COX20: variants seen among roughly 807,000 people sequenced by gnomAD.
The protein encoded by COX20 is cytochrome c oxidase assembly protein COX20, mitochondrial.
In COX20, 14 loss-of-function variants were observed where a neutral mutation model predicts 14.3. The ratio of observed to expected loss-of-function variants is 0.98; its 90% CI spans 0.65 to 1.53. COX20 has a LOEUF of 1.53. Among genes scored for constraint, COX20 ranks in the 40% most tolerant of loss-of-function variants. COX20 has a pLI of 0.00. For missense variants in COX20, 149 were observed against 142.1 expected (o/e 1.05, Z -0.25); for synonymous variants, 56 against 51.7 (o/e 1.08, Z -0.36).
At chr1:244,838,536 G>A (rs1481621320) in intron 1 of COX20, among the ~76,000 whole-genome samples, 4 of 152,206 alleles carry the variant, frequency 2.6e-5, no homozygotes, top group Admixed American at 6.5e-5. Context: ...TTGAAGCCAA[G>A]TAAAAGTAAA....
intron 1 of COX20, chr1:244,841,000 G>A (rs987048603): frequency 3.9e-5 from 6 of 152,270 alleles, no homozygotes; most frequent in Admixed American, 6.5e-5. Flanking sequence ...AACAGTTACC[G>A]TGAGTTTTCT....
chr1:244,843,139 A>G lies in COX20; in HGVS notation c.320A>G (p.Asp107Gly). 6.3e-7 allele frequency: 1 copy of G among 1,595,754 alleles called. No homozygotes were observed. Among genetic ancestry groups the G allele is most frequent in the Non-Finnish European group, 8.5e-7 (1 of 1,175,086 alleles). ...ATATTATATGAAGGTACCCACCTCG[A>G]TCCTGAAAGAAAACACAACGGCAGC... ...KKILYEGTHLDPERKHNGSSS... is the reference protein window; with the variant it reads ...KKILYEGTHLGPERKHNGSSS... Residue 107 changes from aspartate to glycine, a missense_variant, in exon 4 of 4, where the codon GAT becomes GGT. Physicochemically the swap from Asp to Gly is moderately conservative, Grantham distance 94. Coordinates refer to ENST00000411948, the MANE Select transcript of COX20 (RefSeq NM_198076.6).
Position 244,843,347 on chromosome 1 carries a change from C to T in COX20, c.*171C>T. ...GTTTATTCTGGCCCTGTGTCTACTGCCAGGATAGCATTCTTACGTGTTACA... is the reference window on the plus strand; with the variant it reads ...GTTTATTCTGGCCCTGTGTCTACTGTCAGGATAGCATTCTTACGTGTTACA... On this transcript the variant is annotated 3_prime_UTR_variant, in exon 4 of 4. Transcript: ENST00000411948. 1.5e-6 allele frequency: 1 copy of T among 645,818 alleles called. No homozygotes were observed. The highest frequency in any genetic ancestry group is 2.1e-5 in the South Asian group (1 of 47,948). The allele number at this position is 645,818 out of a possible 1,614,324, so 40.0% of individuals were successfully genotyped here.
intron 1 of COX20, 60 bp from the exon 2 acceptor site, chr1:244,841,884 C>A: frequency 1.8e-6 from 2 of 1,084,850 alleles, no homozygotes; most frequent in Non-Finnish European, 2.8e-6. Context: ...TCATTTTTGC[C>A]AAAGCACCCC....
intron 1 of COX20, among the ~76,000 whole-genome samples, chr1:244,837,915 C>T (rs999851445): frequency 2.0e-5 from 3 of 152,092 alleles, no homozygotes; most frequent in Non-Finnish European, 4.4e-5. Context: ...TCGGAGGCTA[C>T]AGAGGACTTA....
Position 244,843,515 on chromosome 1 carries a change from A to G in COX20, c.*339A>G, listed in dbSNP as rs1412846408. On this transcript the variant is annotated 3_prime_UTR_variant, in exon 4 of 4. Transcript: ENST00000411948. Reference sequence around the variant, plus strand: ...TGATGATAAGTAAACGTCCCTTAACAAAAACCTCAACCTTATTACTATCCC... The same window carrying G: ...TGATGATAAGTAAACGTCCCTTAACGAAAACCTCAACCTTATTACTATCCC... The G allele has an allele frequency of 1.0e-5, 2 of 196,542 alleles. No individual in the cohort carries two copies. The highest frequency in any genetic ancestry group is 2.4e-5 in the African/African-American group (1 of 42,398). The allele number at this position is 196,542 out of a possible 1,614,324, so 12.2% of individuals were successfully genotyped here.
chr1:244,837,144 A>G (rs1430506644), intron 1 of COX20, among the ~76,000 whole-genome samples: 1 of 152,200 alleles, frequency 6.6e-6, no homozygotes, highest in African/African-American at 2.4e-5. Context: ...ACATTGACCT[A>G]TTTAACTGGC....
intron 1 of COX20, among the ~76,000 whole-genome samples, chr1:244,838,713 A>T (rs1298889196): frequency 6.6e-6 from 1 of 152,148 alleles, no homozygotes; most frequent in Non-Finnish European, 1.5e-5. Context: ...GTAGAAAAGC[A>T]CACCTACACT....
chr1:244,842,741 C>T (rs1465688156), intron 3 of COX20: 5 of 252,706 alleles, frequency 2.0e-5, no homozygotes, highest in Admixed American at 1.0e-4. Flanking sequence ...CCGTTAAAAA[C>T]GAGAGCAAAT....
At position 244,842,937 on chromosome 1, in the gene COX20, T is replaced by A. The variant is rs948087697; in HGVS notation, c.222-104T>A. ...TAGAACATATTTTTCAGTCTCAGGG[T>A]AGTAGTCATCTGTATTTAAGTTTTG... On this transcript the variant is annotated intron_variant, in intron 3 of 3. Transcript: ENST00000411948. The A allele has an allele frequency of 3.5e-6, 3 of 859,660 alleles. No individual in the cohort carries two copies. The African/African-American group carries it at 5.5e-5, about 16-fold the overall frequency. 53.3% of individuals were successfully genotyped at this position (859,660 alleles called of 1,614,324 possible).
In COX20 at chr1:244,844,656, G is replaced by C. The variant is rs1680354333; in HGVS notation, c.*1480G>C. ...GCCTGTAGTCCCAGGTACTCAGGAG[G>C]CTGAGGCAGGAGAATCACTTGAACC... On this transcript the variant is annotated 3_prime_UTR_variant, in exon 4 of 4. Transcript: ENST00000411948. The C allele has an allele frequency of 6.6e-6, 1 of 152,176 alleles. No homozygotes were observed. Among genetic ancestry groups the C allele is most frequent in the Non-Finnish European group, 1.5e-5 (1 of 68,128 alleles). 9.4% of individuals were successfully genotyped at this position (152,176 alleles called of 1,614,324 possible). A position where few individuals can be genotyped will look rare whatever the true frequency, so the allele number is the denominator to read the frequency against.
chr1:244,842,100 G>A (rs921610078), intron 2 of COX20, 42 bp downstream of exon 2: 1 of 1,520,158 alleles, frequency 6.6e-7, no homozygotes, highest in African/African-American at 1.4e-5. Context: ...ACTAAAAAAA[G>A]CATTTCTCTA....
intron 1 of COX20, 123 bp downstream of exon 1, chr1:244,835,879 TTTTAAC>T: frequency 1.5e-6 from 1 of 686,990 alleles, no homozygotes; most frequent in South Asian, 7.3e-5. Flanking sequence ...CTTGAAACTA[TTTTAAC>T]TGTTCCTAGT....
intron 1 of COX20, among the ~76,000 whole-genome samples, chr1:244,838,362 T>G (rs1431091982): frequency 6.6e-6 from 1 of 152,164 alleles, no homozygotes. Flanking sequence ...AGGGTTTGAT[T>G]TAGAAATCTG....
intron 1 of COX20, among the ~76,000 whole-genome samples, chr1:244,837,142 C>A (rs148821781): frequency 2.0e-5 from 3 of 151,936 alleles, no homozygotes; most frequent in Non-Finnish European, 2.9e-5. Context: ...CAACATTGAC[C>A]TATTTAACTG....
At position 244,835,853 on chromosome 1, in the gene COX20, C is replaced by T. The variant is rs527796005; in HGVS notation, c.42+97C>T. 8.4e-4 allele frequency: 719 copies of T among 856,658 alleles called. 16 individuals are homozygous for T. The South Asian group carries it at 0.036, about 43-fold the overall frequency. 53.1% of individuals were successfully genotyped at this position (856,658 alleles called of 1,614,324 possible). A position where few individuals can be genotyped will look rare whatever the true frequency, so the allele number is the denominator to read the frequency against. ...GGCCCGGAGCACGTGTCACTGGCTT[C>T]TCTGCCACCCATGGGCTTGAAACTA... is the stretch of plus-strand genomic sequence containing the variant. On this transcript the variant is annotated intron_variant, in intron 1 of 3. Transcript: ENST00000411948.
intron 1 of COX20, among the ~76,000 whole-genome samples, chr1:244,838,162 A>G (rs1680058221): frequency 6.6e-6 from 1 of 152,138 alleles, no homozygotes; most frequent in Non-Finnish European, 1.5e-5. Flanking sequence ...AATATATTTG[A>G]TGTGGATTTG....
intron 3 of COX20, chr1:244,842,776 C>G (rs766298872): frequency 1.3e-4 from 38 of 296,462 alleles, no homozygotes; most frequent in Non-Finnish European, 2.1e-4. Flanking sequence ...ATAGCCAATG[C>G]TATCAGAAGA....
At chr1:244,842,166 CTAAT>C (rs763207459) in intron 2 of COX20, 25 bp from the exon 3 acceptor site, 154 of 1,514,680 alleles carry the variant, frequency 1.0e-4, no homozygotes, top group Admixed American at 4.7e-4. Flanking sequence ...TAATTATATT[CTAAT>C]TAATTGTTAT....
Sources: allele counts gnomAD v4.1 joint callset (sites outside exome capture counted in the v4.1 genomes callset), GRCh38; gene constraint gnomAD v4.1.1; transcripts MANE v1.5; gene names NCBI Gene and HGNC (gene_info 2026-07-23, HGNC 2026-07-21).